The following SPMIP7 variants were observed in gnomAD, a reference collection of about 807,000 sequenced individuals.
The protein encoded by SPMIP7 is sperm microtubule inner protein 7, also known as protein SPMIP7.
the SPMIP7 span, chr7:50,134,218 G>A: frequency 6.5e-7 from 1 of 1,546,062 alleles, no homozygotes; most frequent in South Asian, 1.2e-5. Context: ...ACTCTGAAAA[G>A]ATATAAAGGG....
the SPMIP7 span, among the ~76,000 whole-genome samples, chr7:50,154,513 T>G: frequency 6.6e-6 from 1 of 152,244 alleles, no homozygotes; most frequent in Admixed American, 6.5e-5. Flanking sequence ...TTTCTTTCTG[T>G]GTCTATTAGC....
the SPMIP7 span, among the ~76,000 whole-genome samples, chr7:50,109,619 C>T: frequency 2.6e-5 from 4 of 152,186 alleles, no homozygotes; most frequent in African/African-American, 7.2e-5. Flanking sequence ...AAGTGATCCA[C>T]CCGCCTCGGC....
At chr7:50,141,317 C>T in the SPMIP7 span, 1 of 1,552,116 alleles carries the variant, frequency 6.4e-7, no homozygotes, top group African/African-American at 1.4e-5. Context: ...ATGATGTTGA[C>T]AACCCCTTGG....
the SPMIP7 span, among the ~76,000 whole-genome samples, chr7:50,123,510 A>G: frequency 6.6e-6 from 1 of 150,974 alleles, no homozygotes; most frequent in Non-Finnish European, 1.5e-5. Flanking sequence ...TGTCACATGT[A>G]TACATATGTA....
chr7:50,144,827 CAATTATCTTTGTTTCTTCAACA>C, the SPMIP7 span, among the ~76,000 whole-genome samples: 1 of 152,018 alleles, frequency 6.6e-6, no homozygotes, highest in East Asian at 1.9e-4. Flanking sequence ...TATAGCTAAA[CAATTATCTTTGTTTCTTCAACA>C]AACATGAACT....
At chr7:50,110,763 T>C in the SPMIP7 span, among the ~76,000 whole-genome samples, 1 of 123,238 alleles carries the variant, frequency 8.1e-6, no homozygotes, top group Non-Finnish European at 1.6e-5. Context: ...TGTTATATGA[T>C]ATAGATTATA....
the SPMIP7 span, among the ~76,000 whole-genome samples, chr7:50,112,278 T>C: frequency 6.6e-6 from 1 of 152,200 alleles, no homozygotes; most frequent in East Asian, 1.9e-4. Context: ...ATACATATAA[T>C]TGGAGGTCCT....
chr7:50,145,618 GTATATA>G, the SPMIP7 span, among the ~76,000 whole-genome samples: 140 of 27,694 alleles, frequency 5.1e-3, 2 homozygotes, highest in South Asian at 0.01. Context: ...ATATGTGTGT[GTATATA>G]TATATATATA....
chr7:50,141,200 G>A, the SPMIP7 span: 2 of 898,398 alleles, frequency 2.2e-6, no homozygotes, highest in Non-Finnish European at 3.4e-6. Context: ...AATTTCCTTT[G>A]GAAGTTAGAA....
the SPMIP7 span, among the ~76,000 whole-genome samples, chr7:50,111,266 G>T: frequency 6.6e-6 from 1 of 151,932 alleles, no homozygotes. Context: ...AGAGCTCTCT[G>T]CACAGAGAGG....
the SPMIP7 span, among the ~76,000 whole-genome samples, chr7:50,151,767 G>A: frequency 6.6e-6 from 1 of 152,050 alleles, no homozygotes; most frequent in African/African-American, 2.4e-5. Context: ...TTTCCTTTTT[G>A]AATCTTACCC....
chr7:50,155,850 TGC>T, the SPMIP7 span, among the ~76,000 whole-genome samples: 5 of 152,260 alleles, frequency 3.3e-5, no homozygotes, highest in South Asian at 2.1e-4. Flanking sequence ...ACACACATAC[TGC>T]ACATACAGCT....
the SPMIP7 span, chr7:50,134,275 AT>A: frequency 6.7e-7 from 1 of 1,491,962 alleles, no homozygotes; most frequent in Non-Finnish European, 8.9e-7. Context: ...ACAATAATGT[AT>A]TTCTCATTGT....
the SPMIP7 span, among the ~76,000 whole-genome samples, chr7:50,125,683 T>C: frequency 0.52 from 78,405 of 150,766 alleles, 21,368 homozygotes; most frequent in East Asian, 0.73. Flanking sequence ...TACCACAACA[T>C]GGATGAACCT....
the SPMIP7 span, chr7:50,120,158 C>T: frequency 6.6e-6 from 1 of 152,152 alleles, no homozygotes; most frequent in Non-Finnish European, 1.5e-5. Context: ...TTCCATAATA[C>T]CTTCCATAAT....
chr7:50,104,448 G>T, the SPMIP7 span: 1 of 913,652 alleles, frequency 1.1e-6, no homozygotes, highest in Non-Finnish European at 1.5e-6. Context: ...TATATAATTA[G>T]TTTATTTCAT....
chr7:50,108,882 C>T, the SPMIP7 span, among the ~76,000 whole-genome samples: 5 of 152,218 alleles, frequency 3.3e-5, no homozygotes, highest in East Asian at 3.9e-4. Context: ...TTGTAAAATG[C>T]CTCTTAGGAC....
chr7:50,159,248 T>C, the SPMIP7 span: 1 of 1,466,476 alleles, frequency 6.8e-7, no homozygotes, highest in Non-Finnish European at 9.2e-7. Context: ...AGGCTGCTTC[T>C]CCGCGCTGCG....
chr7:50,159,210 G>A, the SPMIP7 span: 1 of 1,541,944 alleles, frequency 6.5e-7, no homozygotes, highest in African/African-American at 1.4e-5. Context: ...CTCCGCCTGG[G>A]GAAGGCTTGT....
Sources: allele counts gnomAD v4.1 joint callset (sites outside exome capture counted in the v4.1 genomes callset), GRCh38; gene constraint gnomAD v4.1.1; transcripts MANE v1.5; gene names NCBI Gene and HGNC (gene_info 2026-07-23, HGNC 2026-07-21).